PIK3C2G: variants seen among roughly 807,000 people sequenced by gnomAD.
The protein encoded by PIK3C2G is phosphatidylinositol-4-phosphate 3-kinase catalytic subunit type 2 gamma, also known as phosphatidylinositol 3-kinase C2 domain-containing subunit gamma.
In PIK3C2G, 168 loss-of-function variants were observed where a neutral mutation model predicts 181.1. The observed-to-expected ratio is 0.93, with a 90% confidence interval of 0.82 to 1.05. The LOEUF is 1.05. PIK3C2G is among the 50% of genes least tolerant of loss of function. PIK3C2G has a pLI of 0.00. For missense variants in PIK3C2G, 1,869 were observed against 1,732.8 expected (o/e 1.08, Z -1.40); for synonymous variants, 573 against 592.2 (o/e 0.97, Z 0.47).
chr12:18,644,598 C>A (rs1440912031), intron 32 of PIK3C2G, among the ~76,000 whole-genome samples: 1 of 152,106 alleles, frequency 6.6e-6, no homozygotes, highest in Admixed American at 6.6e-5. Context: ...GTATATGGCA[C>A]ACTCAGTAAG....
the PIK3C2G span, among the ~76,000 whole-genome samples, chr12:18,710,248 T>G: frequency 2.7e-5 from 4 of 150,446 alleles, no homozygotes; most frequent in African/African-American, 7.4e-5. Flanking sequence ...CTTTGAATTT[T>G]AAGACTGTCA....
intron 8 of PIK3C2G, among the ~76,000 whole-genome samples, chr12:18,333,731 T>C (rs1938220560): frequency 6.6e-6 from 1 of 152,216 alleles, no homozygotes. Flanking sequence ...AACGGCATTC[T>C]AAATTCTCAA....
At chr12:18,510,707 T>C (rs1199335935) in intron 24 of PIK3C2G, among the ~76,000 whole-genome samples, 1 of 152,188 alleles carries the variant, frequency 6.6e-6, no homozygotes, top group Non-Finnish European at 1.5e-5. Flanking sequence ...TTTGTTTTTA[T>C]TTTTATTTTT....
At chr12:18,542,213 C>T (rs1944192646) in intron 25 of PIK3C2G, among the ~76,000 whole-genome samples, 1 of 151,808 alleles carries the variant, frequency 6.6e-6, no homozygotes, top group South Asian at 2.1e-4. Flanking sequence ...AAGAAGAAAT[C>T]TGCCTCAATG....
intron 28 of PIK3C2G, among the ~76,000 whole-genome samples, chr12:18,564,268 A>G (rs947422930): frequency 3.3e-5 from 5 of 152,040 alleles, no homozygotes; most frequent in African/African-American, 1.2e-4. Flanking sequence ...ACTTCAGTCT[A>G]TAAAAAAGGT....
the PIK3C2G span, chr12:18,712,752 A>G: frequency 6.8e-7 from 1 of 1,461,602 alleles, no homozygotes; most frequent in African/African-American, 1.4e-5. Flanking sequence ...TATCATCTAA[A>G]GTAAGGCTAA....
the PIK3C2G span, among the ~76,000 whole-genome samples, chr12:18,679,712 A>C: frequency 6.6e-6 from 1 of 152,194 alleles, no homozygotes; most frequent in East Asian, 1.9e-4. Context: ...TTAATACATT[A>C]GAAAAAAGAC....
intron 2 of PIK3C2G, among the ~76,000 whole-genome samples, chr12:18,285,610 T>G (rs930926935): frequency 1.3e-5 from 2 of 151,958 alleles, no homozygotes; most frequent in African/African-American, 2.4e-5. Context: ...TTCTTACATA[T>G]TAAATGCAAT....
intron 11 of PIK3C2G, among the ~76,000 whole-genome samples, chr12:18,355,589 T>C (rs990325942): frequency 6.6e-6 from 1 of 152,082 alleles, no homozygotes; most frequent in African/African-American, 2.4e-5. Flanking sequence ...CCCCAAAGAC[T>C]ACCCTGGGGC....
intron 13 of PIK3C2G, among the ~76,000 whole-genome samples, chr12:18,374,043 G>C (rs1592096550): frequency 6.6e-6 from 1 of 152,038 alleles, no homozygotes; most frequent in African/African-American, 2.4e-5. Flanking sequence ...TTAATAGTAT[G>C]GTAGTTACTT....
the PIK3C2G span, among the ~76,000 whole-genome samples, chr12:18,725,408 G>A: frequency 6.6e-6 from 1 of 152,054 alleles, no homozygotes; most frequent in Non-Finnish European, 1.5e-5. Context: ...AAAAATCTTA[G>A]GTAAATTGTC....
intron 30 of PIK3C2G, among the ~76,000 whole-genome samples, chr12:18,606,544 C>G (rs1948033851): frequency 6.6e-6 from 1 of 151,920 alleles, no homozygotes; most frequent in Non-Finnish European, 1.5e-5. Flanking sequence ...TAAAAAACAT[C>G]CTTTTCAATG....
At chr12:18,598,865 G>C (rs1396660338) in intron 30 of PIK3C2G, among the ~76,000 whole-genome samples, 1 of 151,878 alleles carries the variant, frequency 6.6e-6, no homozygotes, top group African/African-American at 2.4e-5. Flanking sequence ...CTCAAAAGAA[G>C]ACATTTATGC....
intron 18 of PIK3C2G, among the ~76,000 whole-genome samples, chr12:18,474,270 C>G (rs1187430321): frequency 6.6e-6 from 1 of 152,068 alleles, no homozygotes; most frequent in Non-Finnish European, 1.5e-5. Flanking sequence ...AACCATGTTT[C>G]CAACTCAGAT....
At chr12:18,610,809 T>A (rs1198873110) in intron 31 of PIK3C2G, among the ~76,000 whole-genome samples, 1 of 11,858 alleles carries the variant, frequency 8.4e-5, no homozygotes, top group Non-Finnish European at 1.3e-4. Flanking sequence ...TATTAAGAAA[T>A]ATTAATCAAG....
intron 4 of PIK3C2G, among the ~76,000 whole-genome samples, chr12:18,291,323 A>T (rs1233767644): frequency 6.6e-6 from 1 of 152,194 alleles, no homozygotes; most frequent in Non-Finnish European, 1.5e-5. Context: ...CTAGATAAGG[A>T]TGGTATTAAA....
At chr12:18,504,388 C>T (rs1354701146) in intron 23 of PIK3C2G, among the ~76,000 whole-genome samples, 1 of 152,200 alleles carries the variant, frequency 6.6e-6, no homozygotes. Context: ...AAATACATCG[C>T]TCTTCACAAC....
Position 18,641,743 on chromosome 12 carries a change from C to CTTTTTTTTTTTTTTTTTTTTTTTT in PIK3C2G, c.4308+1209_4308+1210insTTTTTTTTTTTTTTTTTTTTTTTT, listed in dbSNP as rs11285609. On this transcript the variant is annotated intron_variant, in intron 32 of 32. Transcript: ENST00000538779. ...AAAACCCTGGCTTCTCTCTCTCAAG[C>CTTTTTTTTTTTTTTTTTTTTTTTT]TTTTTTTTTTTTTTTTTTTTGAGAT... is the stretch of plus-strand genomic sequence containing the variant. 4.3e-5 allele frequency among the ~76,000 whole-genome samples: 4 copies of CTTTTTTTTTTTTTTTTTTTTTTTT among 93,164 alleles called. 1 individual carries two copies. Among genetic ancestry groups the CTTTTTTTTTTTTTTTTTTTTTTTT allele is most frequent in the African/African-American group, 2.0e-4 (4 of 20,316 alleles). 61.1% of individuals were successfully genotyped at this position (93,164 alleles called of 152,430 possible).
chr12:18,258,659 G>A (rs922374629), upstream of PIK3C2G, among the ~76,000 whole-genome samples: 3 of 145,574 alleles, frequency 2.1e-5, no homozygotes, highest in East Asian at 2.0e-4. Flanking sequence ...TTATATATAT[G>A]TACTCATTCT....
Sources: allele counts gnomAD v4.1 joint callset (sites outside exome capture counted in the v4.1 genomes callset), GRCh38; gene constraint gnomAD v4.1.1; transcripts MANE v1.5; gene names NCBI Gene and HGNC (gene_info 2026-07-23, HGNC 2026-07-21).